SPON1: variants seen among roughly 807,000 people sequenced by gnomAD.
The protein encoded by SPON1 is spondin 1.
SPON1 carries 52 observed loss-of-function variants against 111.7 expected under a neutral mutation model. The ratio of observed to expected loss-of-function variants is 0.47; its 90% CI spans 0.37 to 0.59. The LOEUF is 0.59. Ranked by LOEUF, SPON1 falls within the 20% of genes least tolerant of loss-of-function variation. The pLI is 0.00. For synonymous variants in SPON1, 410 were observed against 395.8 expected (o/e 1.04, Z -0.43); for missense variants, 957 against 1,068.5 (o/e 0.90, Z 1.46).
Position 14,256,608 on chromosome 11 carries a change from CT to C in SPON1, c.1234-4del. ...CATGTGAGCCCTCCAAGTAAAATTCCTTTTTCAGGGTGAACAATGCAATATT... is the reference window on the plus strand; with the variant it reads ...CATGTGAGCCCTCCAAGTAAAATTCCTTTTCAGGGTGAACAATGCAATATT... On this transcript the variant is annotated splice_region_variant and splice_polypyrimidine_tract_variant and intron_variant, in intron 9 of 15. Coordinates refer to ENST00000576479, the MANE Select transcript of SPON1 (RefSeq NM_006108.4). 2 of 1,609,040 alleles carry C rather than the reference CT, an allele frequency of 1.2e-6. No homozygotes were observed. The highest frequency in any genetic ancestry group is 1.1e-5 in the South Asian group (1 of 90,166).
At chr11:14,173,581 G>T (rs1390470976) in intron 6 of SPON1, among the ~76,000 whole-genome samples, 1 of 152,150 alleles carries the variant, frequency 6.6e-6, no homozygotes, top group Non-Finnish European at 1.5e-5. Context: ...GATTTTTAGA[G>T]TTTCCGGTTT....
intron 6 of SPON1, among the ~76,000 whole-genome samples, chr11:14,171,515 A>G (rs1245103705): frequency 4.6e-5 from 7 of 151,880 alleles, no homozygotes; most frequent in Admixed American, 1.3e-4. Flanking sequence ...GATTTTAGTT[A>G]TTTCTTGCCT....
At chr11:13,976,880 T>C (rs1554909098) in intron 1 of SPON1, among the ~76,000 whole-genome samples, 1 of 152,216 alleles carries the variant, frequency 6.6e-6, no homozygotes, top group African/African-American at 2.4e-5. Flanking sequence ...GTTACTACTG[T>C]CCTGACCTCT....
intron 3 of SPON1, among the ~76,000 whole-genome samples, chr11:14,072,254 A>C (rs1848882839): frequency 6.6e-6 from 1 of 152,154 alleles, no homozygotes; most frequent in Non-Finnish European, 1.5e-5. Flanking sequence ...AACAATTATT[A>C]AAAAGAGGAA....
intron 3 of SPON1, among the ~76,000 whole-genome samples, chr11:14,066,787 C>T (rs1236843592): frequency 2.6e-5 from 4 of 152,152 alleles, no homozygotes; most frequent in African/African-American, 9.6e-5. Flanking sequence ...GTTCCCAAAT[C>T]CAAGGCCTTC....
rs74621045 is a variant in SPON1 at position 14,080,153 on chromosome 11, A to G, written c.676+132A>G. On this transcript the variant is annotated intron_variant, in intron 5 of 15. Transcript: ENST00000576479. Reference sequence around the variant, plus strand: ...GGCTGGTTCATGAAATGCACAATCCAAGTATGTATATTAATCAAGACAGGC... The same window carrying G: ...GGCTGGTTCATGAAATGCACAATCCGAGTATGTATATTAATCAAGACAGGC... 2.2e-3 allele frequency: 2,154 copies of G among 964,932 alleles called. 13 individuals carry two copies. In the African/African-American group the frequency reaches 0.026, roughly 12 times the overall value. 59.8% of individuals were successfully genotyped at this position (964,932 alleles called of 1,614,324 possible).
chr11:13,991,541 A>T (rs1224507946), intron 2 of SPON1, among the ~76,000 whole-genome samples: 12 of 152,068 alleles, frequency 7.9e-5, no homozygotes, highest in Admixed American at 7.9e-4. Context: ...AGCTCAGAGG[A>T]GTTTGTTATT....
In SPON1 at chr11:14,260,628, T is replaced by TGAC. The variant is rs1849160644; in HGVS notation, c.1873_1875dup (p.Asp625dup). 1 of 1,613,758 alleles carries TGAC rather than the reference T, an allele frequency of 6.2e-7. No individual in the cohort carries two copies. The stretch of plus-strand genomic sequence containing the variant: ...TGCTGTCCCCATGGTCCGAGTGGAG[T>TGAC]GACTGCAGCGTGACCTGCGGGAAGG... On this transcript the variant is annotated inframe_insertion, in exon 14 of 16. Coordinates refer to ENST00000576479, the MANE Select transcript of SPON1 (RefSeq NM_006108.4).
chr11:13,981,102 T>C (rs566177056), intron 1 of SPON1, among the ~76,000 whole-genome samples: 1 of 152,352 alleles, frequency 6.6e-6, no homozygotes, highest in South Asian at 2.1e-4. Context: ...ATCTATTAGA[T>C]GCCAGGCTCT....
chr11:14,236,071 G>T (rs782561682), intron 6 of SPON1, among the ~76,000 whole-genome samples: 1 of 152,176 alleles, frequency 6.6e-6, no homozygotes, highest in Non-Finnish European at 1.5e-5. Flanking sequence ...GGTCCTGTCT[G>T]CTGTGAGATG....
rs57464043 is a variant in SPON1 at position 14,139,709 on chromosome 11, A to AATATATATATATATATATAT, written c.825+4157_825+4158insATATATATATATATATATAT. ...CAGTGGAGAAAAGGAAAACATGTAAAATATATATATATATATTTAAGTGAA... is the reference window on the plus strand; with the variant it reads ...CAGTGGAGAAAAGGAAAACATGTAAAATATATATATATATATATATATATATATATATATATTTAAGTGAA... On this transcript the variant is annotated intron_variant, in intron 6 of 15. Transcript: ENST00000576479. Among the ~76,000 whole-genome samples, 71 of 145,456 alleles carry AATATATATATATATATATAT rather than the reference A, an allele frequency of 4.9e-4. 1 individual carries two copies. The highest frequency in any genetic ancestry group is 1.8e-3 in the African/African-American group (71 of 38,818).
chr11:14,142,340 G>A lies in SPON1; in HGVS notation c.825+6772G>A, dbSNP rs78394204. On this transcript the variant is annotated intron_variant, in intron 6 of 15. Coordinates refer to ENST00000576479, the MANE Select transcript of SPON1 (RefSeq NM_006108.4). The stretch of plus-strand genomic sequence containing the variant: ...TCGTGTCATTTCTCAGTGTGAAAAG[G>A]TCCAGAGGATGAGGCCACAACTCCT... Among the ~76,000 whole-genome samples the A allele has an allele frequency of 8.1e-3, 1,233 of 152,230 alleles. 16 individuals are homozygous for A. The highest frequency in any genetic ancestry group is 0.028 in the African/African-American group (1,143 of 41,534).
At chr11:13,998,873 C>T (rs1554912120) in intron 2 of SPON1, among the ~76,000 whole-genome samples, 1 of 152,200 alleles carries the variant, frequency 6.6e-6, no homozygotes, top group East Asian at 1.9e-4. Context: ...ACATGATAGA[C>T]TTCTTTAATA....
intron 2 of SPON1, among the ~76,000 whole-genome samples, chr11:13,996,508 C>G (rs1422872257): frequency 6.6e-6 from 1 of 152,106 alleles, no homozygotes; most frequent in Non-Finnish European, 1.5e-5. Flanking sequence ...AGTCTGGGAA[C>G]CAGAGGTATT....
At chr11:14,064,449 G>A (rs967418274) in intron 3 of SPON1, among the ~76,000 whole-genome samples, 13 of 152,352 alleles carry the variant, frequency 8.5e-5, no homozygotes, top group Admixed American at 1.3e-4. Context: ...GGGTAGAAGT[G>A]AGGAGGAGAC....
At chr11:14,090,837 CCCCCCCCG>C (rs782279922) in intron 5 of SPON1, among the ~76,000 whole-genome samples, 899 of 36,734 alleles carry the variant, frequency 0.024, 62 homozygotes, top group South Asian at 0.087. Context: ...CCCCCCCCCC[CCCCCCCCG>C]CCCACATCCT....
chr11:14,122,740 A>G (rs545184203), intron 5 of SPON1, among the ~76,000 whole-genome samples: 34 of 152,126 alleles, frequency 2.2e-4, no homozygotes, highest in South Asian at 6.2e-4. Context: ...AATAGTTTTT[A>G]TTTATCTACC....
At chr11:14,139,041 C>G (rs1258864181) in intron 6 of SPON1, among the ~76,000 whole-genome samples, 6 of 152,150 alleles carry the variant, frequency 3.9e-5, no homozygotes, top group Non-Finnish European at 1.5e-5. Flanking sequence ...TCATGCCACT[C>G]CCCCACTTAA....
chr11:14,057,285 A>T (rs1239305703), intron 3 of SPON1, among the ~76,000 whole-genome samples: 3 of 152,248 alleles, frequency 2.0e-5, no homozygotes, highest in African/African-American at 7.2e-5. Flanking sequence ...CCTGCTAGAG[A>T]TGCATAACCT....
Sources: gnomAD v4.1 joint callset for allele counts (sites outside exome capture counted in the v4.1 genomes callset) on GRCh38, gnomAD v4.1.1 for gene constraint, MANE v1.5 for transcripts, NCBI Gene and HGNC (gene_info 2026-07-23, HGNC 2026-07-21) for gene names.